The following DLG2 variants were observed in gnomAD, a reference collection of about 807,000 sequenced individuals.
The protein encoded by DLG2 is disks large homolog 2.
Under a neutral mutation model 132.5 loss-of-function variants are expected in DLG2, and 45 were observed. The ratio of observed to expected loss-of-function variants is 0.34; its 90% confidence interval spans 0.27 to 0.44. The LOEUF (loss-of-function observed/expected upper bound fraction) is 0.44, where lower values mean the gene tolerates loss of function less well. Among genes scored for constraint, DLG2 ranks in the 20% least tolerant of loss-of-function variants. The probability of loss-of-function intolerance (pLI) is 1.00; values close to 1 mark genes in which losing one functional copy is unlikely to be tolerated. For missense variants in DLG2, 1,045 were observed against 1,196.9 expected, an observed-to-expected ratio of 0.87 and a Z score of 1.87; for synonymous variants, 424 against 419.6, an observed-to-expected ratio of 1.01 and a Z score of -0.13.
intron 7 of DLG2, among the ~76,000 whole-genome samples, chr11:84,462,092 T>C (rs993145484): frequency 4.6e-5 from 7 of 150,994 alleles, no homozygotes; most frequent in African/African-American, 1.7e-4. Context: ...AAGACTGAAC[T>C]AAATGATCCC....
chr11:85,374,264 A>AG (rs1413692816), intron 3 of DLG2, among the ~76,000 whole-genome samples: 3 of 152,264 alleles, frequency 2.0e-5, no homozygotes, highest in East Asian at 1.9e-4. Context: ...GTGAACTGGG[A>AG]GAAAAAAAAC....
chr11:84,212,971 T>C (rs1160678232), intron 8 of DLG2, among the ~76,000 whole-genome samples: 2 of 152,102 alleles, frequency 1.3e-5, no homozygotes, highest in African/African-American at 4.8e-5. Flanking sequence ...CTTTCACTTT[T>C]ATGAGACGGG....
At chr11:84,403,477 A>G (rs1257076832) in intron 7 of DLG2, among the ~76,000 whole-genome samples, 2 of 152,160 alleles carry the variant, frequency 1.3e-5, no homozygotes, top group Non-Finnish European at 2.9e-5. Flanking sequence ...CATTCAAGCC[A>G]TGATTGGCTC....
intron 19 of DLG2, among the ~76,000 whole-genome samples, chr11:83,589,493 C>T (rs1334889375): frequency 6.6e-6 from 1 of 151,964 alleles, no homozygotes; most frequent in African/African-American, 2.4e-5. Context: ...GAAGGAAGCA[C>T]TAAACATGGA....
At chr11:83,562,412 TG>T (rs1197269264) in intron 19 of DLG2, among the ~76,000 whole-genome samples, 3 of 151,932 alleles carry the variant, frequency 2.0e-5, no homozygotes, top group South Asian at 2.1e-4. Flanking sequence ...ATGCCCTGGG[TG>T]GGGGGGTACC....
At chr11:83,791,933 G>A (rs2041679121) in intron 17 of DLG2, among the ~76,000 whole-genome samples, 1 of 152,056 alleles carries the variant, frequency 6.6e-6, no homozygotes, top group Non-Finnish European at 1.5e-5. Flanking sequence ...TATTTCTCTT[G>A]CTCTCCTTAC....
Position 85,388,289 on chromosome 11 carries a change from C to T in DLG2, c.41-102924G>A, listed in dbSNP as rs570436566. On this transcript the variant is annotated intron_variant, in intron 3 of 27. Coordinates refer to ENST00000376104, the MANE Select transcript of DLG2 (RefSeq NM_001142699.3). ...GGAACCACACCCCCAGCCCCCAAAACAAAGCAAGCCCTGCTTAAGGAGAGT... is the reference window on the plus strand; with the variant it reads ...GGAACCACACCCCCAGCCCCCAAAATAAAGCAAGCCCTGCTTAAGGAGAGT... 3.3e-5 allele frequency among the ~76,000 whole-genome samples: 5 copies of T among 152,218 alleles called. No individual in the cohort carries two copies. The East Asian group carries it at 9.7e-4, about 30-fold the overall frequency.
At chr11:84,120,128 A>G (rs1158863740) in intron 9 of DLG2, among the ~76,000 whole-genome samples, 1 of 152,196 alleles carries the variant, frequency 6.6e-6, no homozygotes, top group African/African-American at 2.4e-5. Context: ...TCACTCCTCA[A>G]AAAAGTAGAT....
chr11:83,735,374 G>T (rs2091759021), intron 18 of DLG2, among the ~76,000 whole-genome samples: 1 of 152,228 alleles, frequency 6.6e-6, no homozygotes, highest in Admixed American at 6.5e-5. Flanking sequence ...TGCACAGGCA[G>T]AGAGGTGGAA....
intron 8 of DLG2, among the ~76,000 whole-genome samples, chr11:84,219,466 T>C (rs1312743378): frequency 1.3e-5 from 2 of 152,236 alleles, no homozygotes; most frequent in African/African-American, 4.8e-5. Flanking sequence ...TGGCCTCAAC[T>C]GTAAAATAAA....
At chr11:84,675,592 T>A (rs181455906) in intron 6 of DLG2, among the ~76,000 whole-genome samples, 2 of 152,214 alleles carry the variant, frequency 1.3e-5, no homozygotes, top group South Asian at 2.1e-4. Flanking sequence ...TGAATGCATT[T>A]TCTGGTTCAC....
intron 10 of DLG2, among the ~76,000 whole-genome samples, chr11:84,084,587 T>C (rs186528149): frequency 2.0e-5 from 3 of 152,330 alleles, no homozygotes; most frequent in African/African-American, 7.2e-5. Flanking sequence ...GTGACAAAGA[T>C]TCTCTCCTTG....
chr11:83,913,857 A>G (rs1426953000), intron 15 of DLG2, among the ~76,000 whole-genome samples: 1 of 152,178 alleles, frequency 6.6e-6, no homozygotes, highest in Non-Finnish European at 1.5e-5. Context: ...AATCAGGTCA[A>G]TGACAACCAG....
At chr11:85,436,418 A>G (rs937662287) in intron 3 of DLG2, among the ~76,000 whole-genome samples, 9 of 151,666 alleles carry the variant, frequency 5.9e-5, no homozygotes, top group African/African-American at 2.2e-4. Flanking sequence ...CATCTGACAA[A>G]GGTCTAGTAT....
intron 6 of DLG2, among the ~76,000 whole-genome samples, chr11:84,841,196 C>T (rs1393377462): frequency 6.6e-6 from 1 of 151,662 alleles, no homozygotes; most frequent in African/African-American, 2.4e-5. Flanking sequence ...AAAATTAAAA[C>T]CTGGATGAGT....
At chr11:84,860,362 G>C (rs2083442892) in intron 6 of DLG2, among the ~76,000 whole-genome samples, 1 of 152,054 alleles carries the variant, frequency 6.6e-6, no homozygotes, top group African/African-American at 2.4e-5. Context: ...AGCAGAGAAT[G>C]TTCATTAAGT....
chr11:85,175,798 T>G (rs764092471), intron 4 of DLG2, among the ~76,000 whole-genome samples: 6 of 152,022 alleles, frequency 3.9e-5, no homozygotes, highest in Non-Finnish European at 7.4e-5. Context: ...CAAAAATCAC[T>G]AGCATTCCTA....
chr11:84,377,215 G>C (rs1017700455), intron 7 of DLG2, among the ~76,000 whole-genome samples: 1 of 151,794 alleles, frequency 6.6e-6, no homozygotes, highest in Non-Finnish European at 1.5e-5. Context: ...ATGAAGAATA[G>C]AAAAACATTT....
intron 6 of DLG2, among the ~76,000 whole-genome samples, chr11:84,549,213 T>C (rs2099396804): frequency 6.6e-6 from 1 of 152,190 alleles, no homozygotes; most frequent in African/African-American, 2.4e-5. Flanking sequence ...GTCAAATTGC[T>C]TTGGTACCAA....
Sources: allele counts gnomAD v4.1 joint callset (sites outside exome capture counted in the v4.1 genomes callset), GRCh38; gene constraint gnomAD v4.1.1; transcripts MANE v1.5; gene names NCBI Gene and HGNC (gene_info 2026-07-23, HGNC 2026-07-21).